Variants in PHLDB2 observed in about 807,000 individuals in gnomAD.
The protein encoded by PHLDB2 is pleckstrin homology-like domain family B member 2.
In PHLDB2, 71 loss-of-function variants were observed where a neutral mutation model predicts 123.6. The ratio of observed to expected loss-of-function variants is 0.57; its 90% confidence interval spans 0.47 to 0.70. The LOEUF is 0.70. Ranked by LOEUF, PHLDB2 falls within the 30% of genes least tolerant of loss-of-function variation. The probability of loss-of-function intolerance (pLI) is 0.00; values close to 1 mark genes in which losing one functional copy is unlikely to be tolerated. For synonymous variants in PHLDB2, 547 were observed against 541.6 expected, an observed-to-expected ratio of 1.01 and a Z score of -0.14; for missense variants, 1,446 against 1,519.5, an observed-to-expected ratio of 0.95 and a Z score of 0.80.
At chr3:111,845,905 G>A (rs2063961774) in exon 2 of PHLDB2, 1 of 1,614,182 alleles carries the variant, frequency 6.2e-7, no homozygotes, top group Non-Finnish European at 8.5e-7. Flanking sequence ...GGTGCCCAAG[G>A]AAGATGGAGT....
At chr3:111,885,540 T>C in intron 2 of PHLDB2, 128 bp downstream of exon 2, 1 of 1,198,620 alleles carries the variant, frequency 8.3e-7, no homozygotes, top group Non-Finnish European at 1.2e-6. Context: ...ACAGCTGCTA[T>C]CTTTCTCTTC....
rs1380736345 is a variant in PHLDB2, at chr3:111,927,747, G to A, written c.2002-4522G>A. Among the ~76,000 whole-genome samples, 3 of 152,294 alleles carry A rather than the reference G, an allele frequency of 2.0e-5. No homozygotes were observed. In the East Asian group the frequency reaches 5.8e-4, roughly 29 times the overall value. On this transcript the variant is annotated intron_variant, in intron 5 of 17. Coordinates refer to ENST00000431670, the MANE Select transcript of PHLDB2 (RefSeq NM_001134438.2). ...TGAATGTCTTCTGTTTTATCTGGCA[G>A]CCCTACAGGTTAATAAATTTGTAAC...
chr3:111,788,396 A>T (rs1197787615), intron 1 of PHLDB2, among the ~76,000 whole-genome samples: 2 of 152,190 alleles, frequency 1.3e-5, no homozygotes, highest in African/African-American at 4.8e-5. Context: ...TCTGCTATTT[A>T]ACACCAAGGC....
In PHLDB2 at chr3:111,833,993, A is replaced by G. The variant is rs183171270; in HGVS notation, c.-48-11828A>G. 4.4e-3 allele frequency among the ~76,000 whole-genome samples: 341 copies of G among 77,082 alleles called. 7 individuals are homozygous for G. Among genetic ancestry groups the G allele is most frequent in the African/African-American group, 0.029 (262 of 9,044 alleles). 50.6% of individuals were successfully genotyped at this position (77,082 alleles called of 152,430 possible). ...GAATTATATATATAATATATGTAAT[A>G]GAATTATATATAATATATGTAATAG... On this transcript the variant is annotated intron_variant, in intron 1 of 17. Transcript: ENST00000393923.
chr3:111,972,377 G>C (rs1000132389), intron 16 of PHLDB2, among the ~76,000 whole-genome samples: 1 of 152,056 alleles, frequency 6.6e-6, no homozygotes, highest in African/African-American at 2.4e-5. Context: ...CAATTAAATA[G>C]TTTTACTCTC....
chr3:111,882,850 T>C (rs1356845733), intron 1 of PHLDB2, among the ~76,000 whole-genome samples: 1 of 152,206 alleles, frequency 6.6e-6, no homozygotes, highest in Non-Finnish European at 1.5e-5. Context: ...GGAAAGCTTA[T>C]GTTCATCAAG....
intron 2 of PHLDB2, among the ~76,000 whole-genome samples, chr3:111,850,227 T>A (rs1350060074): frequency 6.6e-6 from 1 of 152,122 alleles, no homozygotes; most frequent in African/African-American, 2.4e-5. Context: ...TTCTCACTTA[T>A]AAGTGGGAGT....
chr3:111,856,000 T>C (rs1340962874), upstream of PHLDB2, among the ~76,000 whole-genome samples: 1 of 152,196 alleles, frequency 6.6e-6, no homozygotes, highest in African/African-American at 2.4e-5. Flanking sequence ...TATGGCCTTA[T>C]GAAAGCTATT....
chr3:111,954,048 A>G lies in PHLDB2; in HGVS notation c.2872+19A>G. 1.3e-6 allele frequency: 2 copies of G among 1,599,624 alleles called. No homozygotes were observed. The highest frequency in any genetic ancestry group is 1.7e-6 in the Non-Finnish European group (2 of 1,167,884). ...CTCAGAGGTACGTACCTTTTAAATC[A>G]AGTGTCATGGCCTTTTGTTAAGCAT... is the stretch of plus-strand genomic sequence containing the variant. On this transcript the variant is annotated intron_variant, in intron 12 of 17. Coordinates refer to ENST00000431670, the MANE Select transcript of PHLDB2 (RefSeq NM_001134438.2).
At chr3:111,964,463 A>T (rs1484306786) in intron 13 of PHLDB2, among the ~76,000 whole-genome samples, 2 of 151,608 alleles carry the variant, frequency 1.3e-5, no homozygotes, top group East Asian at 3.9e-4. Flanking sequence ...TCTCAGCCTC[A>T]TGAGTAACTG....
intron 2 of PHLDB2, among the ~76,000 whole-genome samples, chr3:111,892,188 G>C (rs866002534): frequency 5.9e-5 from 9 of 152,176 alleles, no homozygotes; most frequent in Non-Finnish European, 1.5e-5. Context: ...ATTACATATG[G>C]ATTCCTTGAA....
intron 14 of PHLDB2, among the ~76,000 whole-genome samples, chr3:111,967,147 C>G (rs564682575): frequency 6.6e-6 from 1 of 152,298 alleles, no homozygotes; most frequent in African/African-American, 2.4e-5. Flanking sequence ...AAGTCAGAAT[C>G]TGACTTCCTT....
intron 1 of PHLDB2, among the ~76,000 whole-genome samples, chr3:111,869,455 CAAAAAAAAGAA>C (rs72013662): frequency 0.9 from 136,377 of 151,094 alleles, 62,651 homozygotes; most frequent in Non-Finnish European, 0.99. Context: ...AGTAAAAATT[CAAAAAAAAGAA>C]AAAAAAAAGG....
intron 1 of PHLDB2, among the ~76,000 whole-genome samples, chr3:111,826,959 CCGA>C (rs940969378): frequency 1.3e-5 from 2 of 152,022 alleles, no homozygotes; most frequent in Admixed American, 1.3e-4. Context: ...ATGATGATGG[CCGA>C]CATTTATTGA....
At position 111,852,753 on chromosome 3, in the gene PHLDB2, G is replaced by GACACAC. The variant is rs36217120; in HGVS notation, c.67+6842_67+6847dup. 7.3e-4 allele frequency among the ~76,000 whole-genome samples: 109 copies of GACACAC among 150,286 alleles called. 1 individual carries two copies. The highest frequency in any genetic ancestry group is 2.4e-3 in the African/African-American group (97 of 40,930). On this transcript the variant is annotated intron_variant, in intron 2 of 17. Coordinates refer to the PHLDB2 transcript ENST00000393923. ...ACAGCTGGGATAGGTTAATCTAAAA[G>GACACAC]ACACACACACACACACACACACACA... is the stretch of plus-strand genomic sequence containing the variant.
chr3:111,775,240 G>A (rs184541570), intron 1 of PHLDB2, among the ~76,000 whole-genome samples: 1 of 152,104 alleles, frequency 6.6e-6, no homozygotes, highest in African/African-American at 2.4e-5. Context: ...GAGATGACTC[G>A]GACTATCATT....
In PHLDB2 at chr3:111,932,317, G is replaced by T. The variant is rs2069192625; in HGVS notation, c.2050G>T (p.Glu684Ter). 1.3e-6 allele frequency: 2 copies of T among 1,551,418 alleles called. No homozygotes were observed. Among genetic ancestry groups the T allele is most frequent in the African/African-American group, 1.4e-5 (1 of 73,014 alleles). Residue 684 changes from glutamate to a stop codon, truncating the protein, a stop_gained, in exon 6 of 18, where the codon GAG (glutamate) becomes TAG (stop). Coordinates refer to ENST00000431670, the MANE Select transcript of PHLDB2 (RefSeq NM_001134438.2). LOFTEE classifies it high-confidence loss of function. ...AAGGGAAAAACTAGAGAGGCTTCAG[G>T]AGCTTTACTCCGAGCAGAAGACCCA... ...AEREKLERLQ[E>*]LYSEQKTQLD... is the part of the protein sequence containing the mutation.
chr3:111,735,974 TA>T (rs1429110727), intron 1 of PHLDB2, among the ~76,000 whole-genome samples: 5 of 152,048 alleles, frequency 3.3e-5, no homozygotes, highest in Admixed American at 6.6e-5. Flanking sequence ...TGTAGAAGAG[TA>T]AAAAAAGTTC....
At chr3:111,949,186 G>T in intron 10 of PHLDB2, 111 bp downstream of exon 10, 1 of 1,287,514 alleles carries the variant, frequency 7.8e-7, no homozygotes, top group Non-Finnish European at 1.1e-6. Context: ...ATGTATATCT[G>T]TTTGGCCAGA....
Sources: gnomAD v4.1 joint callset for allele counts (sites outside exome capture counted in the v4.1 genomes callset) on GRCh38, gnomAD v4.1.1 for gene constraint, MANE v1.5 for transcripts, NCBI Gene and HGNC (gene_info 2026-07-23, HGNC 2026-07-21) for gene names.